Variants in PCSK5 observed in about 807,000 individuals in gnomAD.
PCSK5 encodes prohormone convertase 5.
Under a neutral mutation model 233.2 loss-of-function variants are expected in PCSK5, and 129 were observed. That is an observed-to-expected ratio of 0.55 (90% CI 0.48 to 0.64). The LOEUF (loss-of-function observed/expected upper bound fraction) is 0.64, where lower values mean the gene tolerates loss of function less well. Ranked by LOEUF, PCSK5 falls within the 30% of genes least tolerant of loss-of-function variation. The pLI is 0.00. For synonymous variants in PCSK5, 825 were observed against 879.2 expected, an observed-to-expected ratio of 0.94 and a Z score of 1.09; for missense variants, 2,076 against 2,430.1, an observed-to-expected ratio of 0.85 and a Z score of 3.06.
At chr9:75,919,040 T>C (rs1392038874) in intron 1 of PCSK5, among the ~76,000 whole-genome samples, 1 of 152,234 alleles carries the variant, frequency 6.6e-6, no homozygotes, top group Non-Finnish European at 1.5e-5. Context: ...CAAATGCGTA[T>C]GGTTGTGTAG....
At chr9:75,891,985 C>T (rs935757480) in intron 1 of PCSK5, among the ~76,000 whole-genome samples, 2 of 152,064 alleles carry the variant, frequency 1.3e-5, no homozygotes, top group Admixed American at 6.5e-5. Flanking sequence ...TAGGGGAGAC[C>T]TCTAGGCTTT....
chr9:76,284,825 C>T (rs927087480), intron 24 of PCSK5, among the ~76,000 whole-genome samples: 1 of 152,112 alleles, frequency 6.6e-6, no homozygotes, highest in Non-Finnish European at 1.5e-5. Flanking sequence ...AGCCACTGCG[C>T]CTGGCCAAAC....
At chr9:76,270,570 T>C (rs1024327984) in intron 24 of PCSK5, among the ~76,000 whole-genome samples, 1 of 152,124 alleles carries the variant, frequency 6.6e-6, no homozygotes, top group Non-Finnish European at 1.5e-5. Flanking sequence ...AGTGATTAAA[T>C]ATCCTGGGGA....
chr9:75,929,058 C>T (rs1823654041), intron 1 of PCSK5, among the ~76,000 whole-genome samples: 1 of 152,120 alleles, frequency 6.6e-6, no homozygotes, highest in African/African-American at 2.4e-5. Flanking sequence ...ACCTCAGCCT[C>T]CCGAGTAGCT....
At chr9:75,974,491 T>A (rs1007180248) in intron 2 of PCSK5, among the ~76,000 whole-genome samples, 23 of 152,154 alleles carry the variant, frequency 1.5e-4, no homozygotes, top group Admixed American at 1.2e-3. Flanking sequence ...ACAGCATTTT[T>A]CCCTGAGGCC....
chr9:76,038,109 CTTGG>C (rs1288149592), intron 5 of PCSK5, among the ~76,000 whole-genome samples: 1 of 152,154 alleles, frequency 6.6e-6, no homozygotes, highest in East Asian at 1.9e-4. Flanking sequence ...CCTTTTTGCT[CTTGG>C]TTGGTATTCC....
At chr9:76,187,597 G>A (rs970851544) in intron 17 of PCSK5, among the ~76,000 whole-genome samples, 3 of 151,958 alleles carry the variant, frequency 2.0e-5, no homozygotes, top group Non-Finnish European at 2.9e-5. Flanking sequence ...TCCTGGCTTC[G>A]AGTGATCCAC....
At chr9:76,065,534 C>A (rs1830255076) in intron 5 of PCSK5, among the ~76,000 whole-genome samples, 1 of 151,806 alleles carries the variant, frequency 6.6e-6, no homozygotes, top group Non-Finnish European at 1.5e-5. Flanking sequence ...TATTGAGTTA[C>A]TTATACATTC....
intron 24 of PCSK5, among the ~76,000 whole-genome samples, chr9:76,261,835 G>C (rs1263726622): frequency 7.2e-5 from 11 of 152,178 alleles, no homozygotes; most frequent in African/African-American, 2.7e-4. Flanking sequence ...AAAAATGCTT[G>C]TGATTTTTCA....
chr9:76,321,764 C>T, intron 31 of PCSK5, 125 bp downstream of exon 31: 1 of 620,580 alleles, frequency 1.6e-6, no homozygotes, highest in Non-Finnish European at 2.8e-6. Flanking sequence ...AAAGGTATGT[C>T]TCTGTGCCTG....
chr9:75,912,104 GAAC>G lies in PCSK5; in HGVS notation c.193-20269_193-20267del, dbSNP rs369587341. Among the ~76,000 whole-genome samples the G allele has an allele frequency of 9.9e-3, 1,346 of 135,396 alleles. 21 individuals are homozygous for G. The highest frequency in any genetic ancestry group is 0.038 in the African/African-American group (1,248 of 32,868). 88.8% of individuals were successfully genotyped at this position (135,396 alleles called of 152,430 possible). ...AGGAGAAAAGGAGAAGAAGAAAAAAGAACAACAAAAAAGCAGGGAAGAGGGGAA... is the reference window on the plus strand; with the variant it reads ...AGGAGAAAAGGAGAAGAAGAAAAAAGAACAAAAAAGCAGGGAAGAGGGGAA... On this transcript the variant is annotated intron_variant, in intron 1 of 37. Coordinates refer to ENST00000674117, the MANE Select transcript of PCSK5 (RefSeq NM_001372043.1).
At chr9:76,179,962 C>T (rs371412405) in intron 15 of PCSK5, among the ~76,000 whole-genome samples, 6 of 149,436 alleles carry the variant, frequency 4.0e-5, no homozygotes, top group South Asian at 2.1e-4. Flanking sequence ...GTTTGGAGGA[C>T]GGTGGAGGAA....
chr9:76,019,746 C>G (rs956262732), intron 3 of PCSK5, among the ~76,000 whole-genome samples: 16 of 152,180 alleles, frequency 1.1e-4, no homozygotes, highest in Non-Finnish European at 2.2e-4. Flanking sequence ...AGCTCATAAC[C>G]CTGGTATGGA....
At chr9:75,905,973 TAA>T (rs1564072770) in intron 1 of PCSK5, among the ~76,000 whole-genome samples, 1 of 152,208 alleles carries the variant, frequency 6.6e-6, no homozygotes, top group Non-Finnish European at 1.5e-5. Context: ...GTAAAGCTGT[TAA>T]AATAGTTATT....
chr9:76,054,251 A>G (rs1054107750), intron 5 of PCSK5, among the ~76,000 whole-genome samples: 9 of 152,172 alleles, frequency 5.9e-5, no homozygotes, highest in Non-Finnish European at 1.3e-4. Context: ...CAGCCAAACC[A>G]TATCACCCTG....
intron 24 of PCSK5, among the ~76,000 whole-genome samples, chr9:76,257,088 T>A (rs1827007811): frequency 6.6e-6 from 1 of 152,202 alleles, no homozygotes; most frequent in Non-Finnish European, 1.5e-5. Flanking sequence ...AGCCTGTTGG[T>A]GTATCTGAAG....
intron 5 of PCSK5, among the ~76,000 whole-genome samples, chr9:76,029,080 T>G (rs372324730): frequency 3.3e-5 from 5 of 152,100 alleles, no homozygotes; most frequent in African/African-American, 1.2e-4. Context: ...TGGGGGCAGG[T>G]GGGGTAGATG....
At chr9:76,067,041 G>A (rs901468111) in intron 5 of PCSK5, among the ~76,000 whole-genome samples, 6 of 152,198 alleles carry the variant, frequency 3.9e-5, no homozygotes, top group African/African-American at 1.4e-4. Context: ...TTAGAGGTCA[G>A]TCTTGGTGTT....
At chr9:76,254,063 C>T (rs1826900259) in intron 24 of PCSK5, among the ~76,000 whole-genome samples, 2 of 152,156 alleles carry the variant, frequency 1.3e-5, no homozygotes, top group Non-Finnish European at 2.9e-5. Flanking sequence ...CAGCCACTAC[C>T]TTGCCATGGC....
Sources: gnomAD v4.1 joint callset for allele counts (sites outside exome capture counted in the v4.1 genomes callset) on GRCh38, gnomAD v4.1.1 for gene constraint, MANE v1.5 for transcripts, NCBI Gene and HGNC (gene_info 2026-07-23, HGNC 2026-07-21) for gene names.